STIM1: variants seen among roughly 807,000 people sequenced by gnomAD.
STIM1 encodes the protein stromal interaction molecule 1.
In STIM1, 25 loss-of-function variants were observed where a neutral mutation model predicts 74.7. The ratio of observed to expected loss-of-function variants is 0.33; its 90% confidence interval spans 0.24 to 0.47. The LOEUF (loss-of-function observed/expected upper bound fraction) is 0.47. STIM1 is among the 20% of genes least tolerant of loss of function. The probability of loss-of-function intolerance (pLI) is 1.00; values close to 1 mark genes in which losing one functional copy is unlikely to be tolerated. For missense variants in STIM1, 728 were observed against 920.8 expected (o/e 0.79, Z 2.71); for synonymous variants, 328 against 348.8 (o/e 0.94, Z 0.66).
At chr11:3,875,066 A>G (rs1369003040) in intron 1 of STIM1, among the ~76,000 whole-genome samples, 2 of 151,716 alleles carry the variant, frequency 1.3e-5, no homozygotes, top group Non-Finnish European at 2.9e-5. Flanking sequence ...AGCTAGGCTT[A>G]ATGCTCCCTG....
intron 2 of STIM1, among the ~76,000 whole-genome samples, chr11:4,012,295 A>G (rs1028497577): frequency 5.3e-5 from 8 of 152,334 alleles, no homozygotes; most frequent in Middle Eastern, 6.8e-3. Context: ...ATAGCATTGA[A>G]TCTATAAATT....
chr11:3,999,770 G>A (rs2093695396), intron 2 of STIM1: 1 of 152,638 alleles, frequency 6.6e-6, no homozygotes, highest in South Asian at 2.1e-4. Flanking sequence ...GCCAAAGCAG[G>A]GCAAGGCATT....
intron 1 of STIM1, among the ~76,000 whole-genome samples, chr11:3,924,526 C>A (rs950057411): frequency 6.6e-6 from 1 of 151,932 alleles, no homozygotes; most frequent in African/African-American, 2.4e-5. Flanking sequence ...TTTTTTTCCC[C>A]CCTAAGTATT....
At chr11:3,976,898 G>A (rs1034114850) in intron 2 of STIM1, among the ~76,000 whole-genome samples, 1 of 151,962 alleles carries the variant, frequency 6.6e-6, no homozygotes, top group Admixed American at 6.6e-5. Flanking sequence ...GGGTTCAAGC[G>A]ATTCTCCTGC....
intron 1 of STIM1, among the ~76,000 whole-genome samples, chr11:3,960,339 GA>G (rs1259775748): frequency 6.6e-6 from 1 of 152,154 alleles, no homozygotes; most frequent in Non-Finnish European, 1.5e-5. Context: ...CTGGATTTTA[GA>G]AAACTTGTAT....
chr11:3,937,395 C>T (rs1270488756), intron 1 of STIM1, among the ~76,000 whole-genome samples: 1 of 152,140 alleles, frequency 6.6e-6, no homozygotes, highest in African/African-American at 2.4e-5. Flanking sequence ...CCCTCTTTCT[C>T]TTTATGAAGT....
chr11:3,901,646 T>C (rs2092351069), intron 1 of STIM1, among the ~76,000 whole-genome samples: 1 of 152,240 alleles, frequency 6.6e-6, no homozygotes, highest in South Asian at 2.1e-4. Flanking sequence ...TTCTCCATGT[T>C]GTTGTTGTAG....
intron 2 of STIM1, among the ~76,000 whole-genome samples, chr11:4,004,791 G>C (rs1410076231): frequency 1.3e-5 from 2 of 152,090 alleles, no homozygotes; most frequent in Non-Finnish European, 2.9e-5. Context: ...CCATCAGAGT[G>C]AACAGGCAAC....
At chr11:3,861,603 ATG>A (rs1273439705) in intron 1 of STIM1, among the ~76,000 whole-genome samples, 2 of 152,226 alleles carry the variant, frequency 1.3e-5, no homozygotes, top group African/African-American at 4.8e-5. Flanking sequence ...TAGCAATGTA[ATG>A]TGATATGAAA....
At chr11:3,916,534 C>T (rs550719745) in intron 1 of STIM1, among the ~76,000 whole-genome samples, 1 of 151,704 alleles carries the variant, frequency 6.6e-6, no homozygotes, top group East Asian at 1.9e-4. Flanking sequence ...TCACTGCAAC[C>T]TCTGCCTCCT....
intron 2 of STIM1, among the ~76,000 whole-genome samples, chr11:4,009,227 G>A (rs1201695835): frequency 1.3e-5 from 2 of 151,532 alleles, no homozygotes; most frequent in African/African-American, 2.4e-5. Flanking sequence ...CTCAGGAGGC[G>A]GAGCTTGCAG....
At chr11:3,914,966 GTGACA>G (rs2092621771) in intron 1 of STIM1, among the ~76,000 whole-genome samples, 3 of 151,754 alleles carry the variant, frequency 2.0e-5, no homozygotes, top group Non-Finnish European at 4.4e-5. Context: ...CCTAGTGGGT[GTGACA>G]TGTTATCTCG....
Position 4,083,518 on chromosome 11 carries a change from G to A in STIM1, c.1474+20G>A, listed in dbSNP as rs778033343. On this transcript the variant is annotated intron_variant, in intron 10 of 12. Transcript: ENST00000526596. ...TGCAGTGTAGGTGACCTCTTTGCGG[G>A]GATGAAGGAAGGAGCCTTTGATGTA... 21 of 1,600,452 alleles carry A rather than the reference G, an allele frequency of 1.3e-5. No individual in the cohort carries two copies. Among genetic ancestry groups the A allele is most frequent in the Non-Finnish European group, 1.6e-5 (19 of 1,172,614 alleles).
intron 3 of STIM1, among the ~76,000 whole-genome samples, chr11:4,048,776 C>T (rs1412826269): frequency 6.6e-6 from 1 of 151,972 alleles, no homozygotes; most frequent in Non-Finnish European, 1.5e-5. Flanking sequence ...CTCTGTCGCC[C>T]AGGCTGGAGT....
chr11:4,088,005 T>C (rs1348958489), intron 12 of STIM1, among the ~76,000 whole-genome samples: 2 of 152,020 alleles, frequency 1.3e-5, no homozygotes, highest in East Asian at 1.9e-4. Flanking sequence ...CCAGGTCTCA[T>C]AGCTAGTTGA....
rs2094528610 is a variant in STIM1, at chr11:4,092,139, G to T, written c.*341G>T. On this transcript the variant is annotated 3_prime_UTR_variant, in exon 13 of 13. Coordinates refer to ENST00000526596, the MANE Select transcript of STIM1 (RefSeq NM_001382567.1). ...TCTGCTGTCCCAGTTTTGAGGTTTG[G>T]TTTCTTGTTTCTGTCTCTTGCTTTC... 1 of 372,682 alleles carries T rather than the reference G, an allele frequency of 2.7e-6. No homozygotes were observed. Among genetic ancestry groups the T allele is most frequent in the Non-Finnish European group, 5.1e-6 (1 of 196,830 alleles). The allele number at this position is 372,682 out of a possible 1,614,324, so 23.1% of individuals were successfully genotyped here. A position where few individuals can be genotyped will look rare whatever the true frequency, so the allele number is the denominator to read the frequency against.
At chr11:3,884,136 C>T (rs926132519) in intron 1 of STIM1, among the ~76,000 whole-genome samples, 4 of 152,114 alleles carry the variant, frequency 2.6e-5, no homozygotes, top group African/African-American at 9.7e-5. Context: ...TTAAAATCAC[C>T]TCACAAGGGT....
Position 3,929,626 on chromosome 11 carries a change from T to C in STIM1, c.140-37926T>C, listed in dbSNP as rs2092833315. ...AAGATATTGGGGTCATCTGGCCTAGTCTTCTTGAGTTTCACATGTAGAAAC... is the reference window on the plus strand; with the variant it reads ...AAGATATTGGGGTCATCTGGCCTAGCCTTCTTGAGTTTCACATGTAGAAAC... On this transcript the variant is annotated intron_variant, in intron 1 of 12. Coordinates refer to ENST00000526596, the MANE Select transcript of STIM1 (RefSeq NM_001382567.1). Among the ~76,000 whole-genome samples the C allele has an allele frequency of 2.0e-5, 3 of 152,310 alleles. No individual in the cohort carries two copies. In the South Asian group the frequency reaches 6.2e-4, roughly 32 times the overall value.
chr11:3,971,543 CA>C (rs772733011), intron 2 of STIM1, among the ~76,000 whole-genome samples: 5 of 148,120 alleles, frequency 3.4e-5, no homozygotes, highest in South Asian at 2.1e-4. Context: ...ACAAAAAAAA[CA>C]AAAAAACAAA....
Sources: gnomAD v4.1 joint callset for allele counts (sites outside exome capture counted in the v4.1 genomes callset) on GRCh38, gnomAD v4.1.1 for gene constraint, MANE v1.5 for transcripts, NCBI Gene and HGNC (gene_info 2026-07-23, HGNC 2026-07-21) for gene names.